The following SLC38A4 variants were observed in gnomAD, a reference collection of about 807,000 sequenced individuals.
The protein encoded by SLC38A4 is sodium-coupled neutral amino acid transporter 4.
In SLC38A4, 20 loss-of-function variants were observed where a neutral mutation model predicts 63.1. That is an observed-to-expected ratio of 0.32 (90% CI 0.22 to 0.46). The LOEUF is 0.46. Ranked by LOEUF, SLC38A4 falls within the 20% of genes least tolerant of loss-of-function variation. SLC38A4 has a pLI of 1.00. For missense variants in SLC38A4, 526 were observed against 663.6 expected (o/e 0.79, Z 2.28); for synonymous variants, 230 against 225.5 (o/e 1.02, Z -0.18).
At chr12:46,810,887 A>G (rs1939326505) in intron 1 of SLC38A4, among the ~76,000 whole-genome samples, 1 of 152,040 alleles carries the variant, frequency 6.6e-6, no homozygotes, top group African/African-American at 2.4e-5. Flanking sequence ...CCCTTAAAAA[A>G]TCTTTGATTC....
At position 46,784,524 on chromosome 12, in the gene SLC38A4, A is replaced by G. The variant is rs180430; in HGVS notation, c.493+18T>C. The G allele has an allele frequency of 0.73, 1,163,591 of 1,586,916 alleles. 434,545 individuals carry two copies. The highest frequency in any genetic ancestry group is 0.79 in the Middle Eastern group (4,690 of 5,960). ...TATAGAAAGTTTATGGGATCCATTG[A>G]AAAGTATATCCCCTTACCTCCAATG... On this transcript the variant is annotated intron_variant, in intron 7 of 16. Transcript: ENST00000266579.
At chr12:46,818,545 CTTT>C (rs1397051494) in intron 1 of SLC38A4, among the ~76,000 whole-genome samples, 1 of 151,516 alleles carries the variant, frequency 6.6e-6, no homozygotes, top group Non-Finnish European at 1.5e-5. Flanking sequence ...ATTTTTACTT[CTTT>C]ATTATGAAAA....
chr12:46,830,753 T>C (rs1413197183), upstream of SLC38A4, among the ~76,000 whole-genome samples: 3 of 152,214 alleles, frequency 2.0e-5, no homozygotes, highest in Non-Finnish European at 4.4e-5. Context: ...CAGGATGGGC[T>C]TATTGCTCTA....
chr12:46,791,534 T>C (rs1938889085), intron 3 of SLC38A4, among the ~76,000 whole-genome samples: 1 of 152,162 alleles, frequency 6.6e-6, no homozygotes, highest in Non-Finnish European at 1.5e-5. Context: ...AAATGAGAAG[T>C]CTTTGTTTGA....
At chr12:46,780,533 G>A (rs180427) in intron 7 of SLC38A4, among the ~76,000 whole-genome samples, 52,690 of 151,664 alleles carry the variant, frequency 0.35, 9,888 homozygotes, top group Middle Eastern at 0.55. Flanking sequence ...CTTATTGTCA[G>A]AACCAAAGGC....
chr12:46,766,185 G>A lies in SLC38A4; in HGVS notation c.*516C>T. On this transcript the variant is annotated 3_prime_UTR_variant, in exon 17 of 17. Coordinates refer to ENST00000266579, the MANE Select transcript of SLC38A4 (RefSeq NM_018018.5). ...TGTTTGACCATTCATGTACCTTACA[G>A]AAACAGAAACAGTTCCTAAGACATG... 2.9e-6 allele frequency: 1 copy of A among 342,440 alleles called. No homozygotes were observed. The highest frequency in any genetic ancestry group is 5.8e-6 in the Non-Finnish European group (1 of 173,452). The allele number at this position is 342,440 out of a possible 1,614,324, so 21.2% of individuals were successfully genotyped here.
rs1447151534 is a variant in SLC38A4 at position 46,779,790 on chromosome 12, A to G, written c.648T>C (p.Leu216=). Residue 216 remains leucine (L), a synonymous_variant, in exon 9 of 17, where the codon CTT becomes CTC. Transcript: ENST00000266579. ...SVGIILPLSL[L]KNLGYLGYTS... is the part of the protein sequence containing the mutation. Reference sequence around the variant, plus strand: ...AGAAAATATCTTTACCTAAATTTTTAAGGAGCGAAAGTGGAAGAATAATTC... The same window carrying G: ...AGAAAATATCTTTACCTAAATTTTTGAGGAGCGAAAGTGGAAGAATAATTC... 13 of 1,607,638 alleles carry G rather than the reference A, an allele frequency of 8.1e-6. No homozygotes were observed. The South Asian group carries it at 1.5e-4, about 18-fold the overall frequency.
chr12:46,816,484 C>T (rs1939443983), intron 1 of SLC38A4, among the ~76,000 whole-genome samples: 1 of 151,860 alleles, frequency 6.6e-6, no homozygotes, highest in Non-Finnish European at 1.5e-5. Context: ...CTTTAAAAAA[C>T]AGACAAAAAA....
chr12:46,825,313 T>TTATATATATATA (rs34878223), intron 1 of SLC38A4, among the ~76,000 whole-genome samples: 5,231 of 140,136 alleles, frequency 0.037, 309 homozygotes, highest in African/African-American at 0.12. Flanking sequence ...TATACAAAGT[T>TTATATATATATA]TATATATATA....
At chr12:46,785,045 C>A in intron 6 of SLC38A4, 59 bp downstream of exon 6, 1 of 1,328,994 alleles carries the variant, frequency 7.5e-7, no homozygotes, top group Non-Finnish European at 1.1e-6. Context: ...AAGCAACAGA[C>A]TGAAATACTC....
In SLC38A4 at chr12:46,812,484, A is replaced by G. The variant is rs1939359267; in HGVS notation, c.-304-8690T>C. On this transcript the variant is annotated intron_variant, in intron 1 of 16. Transcript: ENST00000266579. Reference sequence around the variant, plus strand: ...AACACTCAGTGCTGGACTTTGATTCAGAAGATCTGGGTTCTAATTCTGACT... The same window carrying G: ...AACACTCAGTGCTGGACTTTGATTCGGAAGATCTGGGTTCTAATTCTGACT... 6.6e-5 allele frequency among the ~76,000 whole-genome samples: 10 copies of G among 152,026 alleles called. No homozygotes were observed. In the South Asian group the frequency reaches 2.1e-3, roughly 31 times the overall value.
upstream of SLC38A4, among the ~76,000 whole-genome samples, chr12:46,827,064 G>A (rs1033651023): frequency 2.6e-5 from 4 of 152,112 alleles, no homozygotes; most frequent in Non-Finnish European, 5.9e-5. Flanking sequence ...GGGGAAACAA[G>A]GGAACTGAGA....
At chr12:46,821,002 C>T (rs954839270) in intron 1 of SLC38A4, among the ~76,000 whole-genome samples, 1 of 151,880 alleles carries the variant, frequency 6.6e-6, no homozygotes, top group African/African-American at 2.4e-5. Flanking sequence ...TCAAGTCCTT[C>T]GATCCTTTTT....
At chr12:46,818,031 G>A (rs1038615189) in intron 1 of SLC38A4, among the ~76,000 whole-genome samples, 3 of 151,900 alleles carry the variant, frequency 2.0e-5, no homozygotes, top group African/African-American at 7.2e-5. Flanking sequence ...ATACAAAAGT[G>A]AGAAGATGAC....
rs559384608 is a variant in SLC38A4, at chr12:46,766,501, T to C, written c.*200A>G. 8.2e-4 allele frequency: 541 copies of C among 662,906 alleles called. 2 individuals carry two copies. Among genetic ancestry groups the C allele is most frequent in the African/African-American group, 7.2e-3 (405 of 56,372 alleles). 41.1% of individuals were successfully genotyped at this position (662,906 alleles called of 1,614,324 possible). On this transcript the variant is annotated 3_prime_UTR_variant, in exon 17 of 17. Coordinates refer to ENST00000266579, the MANE Select transcript of SLC38A4 (RefSeq NM_018018.5). Reference sequence around the variant, plus strand: ...GTAGAAATGTGCACCACAGGTTTTATTTTAAACACATACACAACCATCCTT... The same window carrying C: ...GTAGAAATGTGCACCACAGGTTTTACTTTAAACACATACACAACCATCCTT...
At chr12:46,809,387 C>A (rs1939297126) in intron 1 of SLC38A4, among the ~76,000 whole-genome samples, 1 of 152,056 alleles carries the variant, frequency 6.6e-6, no homozygotes, top group Non-Finnish European at 1.5e-5. Flanking sequence ...ATCGACATTT[C>A]CTCATTCACT....
intron 14 of SLC38A4, among the ~76,000 whole-genome samples, chr12:46,774,817 A>G (rs1355606329): frequency 6.6e-6 from 1 of 152,056 alleles, no homozygotes; most frequent in African/African-American, 2.4e-5. Context: ...TTGAGTTTAA[A>G]AATAAGTTTT....
At chr12:46,822,549 A>G (rs1466474940) in intron 1 of SLC38A4, among the ~76,000 whole-genome samples, 1 of 152,190 alleles carries the variant, frequency 6.6e-6, no homozygotes. Context: ...CTCCTAAGAC[A>G]GTCCATCACC....
intron 2 of SLC38A4, among the ~76,000 whole-genome samples, chr12:46,798,587 C>T (rs1939064296): frequency 6.6e-6 from 1 of 152,178 alleles, no homozygotes; most frequent in South Asian, 2.1e-4. Flanking sequence ...GTATACATGT[C>T]TGCAGTCCAA....
Sources: gnomAD v4.1 joint callset for allele counts (sites outside exome capture counted in the v4.1 genomes callset) on GRCh38, gnomAD v4.1.1 for gene constraint, MANE v1.5 for transcripts, NCBI Gene and HGNC (gene_info 2026-07-23, HGNC 2026-07-21) for gene names.